The following PCDH7 variants were observed in gnomAD, a reference collection of about 807,000 sequenced individuals.
The protein encoded by PCDH7 is protocadherin 7.
A neutral mutation model predicts 58.9 loss-of-function variants in PCDH7; 17 were observed. The observed-to-expected ratio is 0.29, with a 90% CI of 0.20 to 0.43. PCDH7 has a LOEUF of 0.43. Ranked by LOEUF, PCDH7 falls within the 20% of genes least tolerant of loss-of-function variation. PCDH7 has a pLI of 1.00. For missense variants in PCDH7, 1,274 were observed against 1,441.0 expected (o/e 0.88, Z 1.88); for synonymous variants, 664 against 616.4 (o/e 1.08, Z -1.14).
chr4:30,962,340 C>T (rs750248776), intron 3 of PCDH7, among the ~76,000 whole-genome samples: 3 of 152,194 alleles, frequency 2.0e-5, no homozygotes, highest in Non-Finnish European at 4.4e-5. Flanking sequence ...CAAGATGTAT[C>T]AGCTAGACTT....
chr4:31,101,367 GAA>G (rs1714871403), intron 3 of PCDH7, among the ~76,000 whole-genome samples: 1 of 152,042 alleles, frequency 6.6e-6, no homozygotes, highest in African/African-American at 2.4e-5. Context: ...TTTTTTCAGT[GAA>G]CTTGTAGGCA....
intron 3 of PCDH7, among the ~76,000 whole-genome samples, chr4:31,132,301 G>C (rs980251491): frequency 6.6e-6 from 1 of 151,640 alleles, no homozygotes; most frequent in Non-Finnish European, 1.5e-5. Context: ...CTTTTTATTT[G>C]TGTAAAAGTA....
At chr4:30,881,175 C>A (rs1195365348) in intron 1 of PCDH7, among the ~76,000 whole-genome samples, 1 of 151,908 alleles carries the variant, frequency 6.6e-6, no homozygotes, top group African/African-American at 2.4e-5. Flanking sequence ...ATCCTGTTAC[C>A]AACCCTGGAG....
chr4:31,111,602 A>G (rs1246093607), intron 3 of PCDH7, among the ~76,000 whole-genome samples: 1 of 152,136 alleles, frequency 6.6e-6, no homozygotes, highest in Non-Finnish European at 1.5e-5. Flanking sequence ...AATCTCCATC[A>G]TGATAAAACA....
intron 1 of PCDH7, among the ~76,000 whole-genome samples, chr4:30,879,741 A>G (rs1736728024): frequency 6.6e-6 from 1 of 152,158 alleles, no homozygotes. Flanking sequence ...TACTGACATC[A>G]TACTGAAGCT....
intron 1 of PCDH7, among the ~76,000 whole-genome samples, chr4:30,869,756 G>A (rs1052579895): frequency 6.6e-6 from 1 of 152,120 alleles, no homozygotes; most frequent in Non-Finnish European, 1.5e-5. Flanking sequence ...GTGTCCACGT[G>A]TCTTTATAGT....
chr4:30,884,230 G>A (rs1037492668), intron 1 of PCDH7, among the ~76,000 whole-genome samples: 1 of 152,090 alleles, frequency 6.6e-6, no homozygotes, highest in Non-Finnish European at 1.5e-5. Flanking sequence ...GCATCTATGT[G>A]TGGTAGGCAT....
intron 3 of PCDH7, among the ~76,000 whole-genome samples, chr4:31,044,054 A>G (rs896317143): frequency 1.3e-5 from 2 of 152,170 alleles, no homozygotes; most frequent in African/African-American, 2.4e-5. Flanking sequence ...ACTTATGCCT[A>G]AAAGTGGCAA....
intron 3 of PCDH7, among the ~76,000 whole-genome samples, chr4:30,953,280 T>C (rs1440833824): frequency 6.6e-6 from 1 of 152,186 alleles, no homozygotes; most frequent in Non-Finnish European, 1.5e-5. Flanking sequence ...AATTTCTATT[T>C]TTTTTAAATG....
At chr4:31,136,238 A>C (rs541530712) in intron 3 of PCDH7, among the ~76,000 whole-genome samples, 103 of 152,310 alleles carry the variant, frequency 6.8e-4, no homozygotes, top group African/African-American at 1.9e-3. Flanking sequence ...GAACACCTAC[A>C]CGGCAGCCAG....
At chr4:30,851,401 A>G (rs939745926) in intron 1 of PCDH7, among the ~76,000 whole-genome samples, 9 of 151,962 alleles carry the variant, frequency 5.9e-5, no homozygotes, top group Admixed American at 2.6e-4. Context: ...CCAAATCTAT[A>G]TTTTTCATAA....
At chr4:30,964,646 G>A (rs1234553944) in intron 3 of PCDH7, among the ~76,000 whole-genome samples, 15 of 147,994 alleles carry the variant, frequency 1.0e-4, no homozygotes, top group African/African-American at 3.8e-4. Flanking sequence ...CCTGAGGGCA[G>A]AAATAGTAGC....
At chr4:30,914,668 CATAACT>C (rs1742191187) in intron 1 of PCDH7, among the ~76,000 whole-genome samples, 1 of 152,076 alleles carries the variant, frequency 6.6e-6, no homozygotes, top group Non-Finnish European at 1.5e-5. Flanking sequence ...AACAATGGGC[CATAACT>C]CTAGTTATAT....
chr4:31,096,059 T>G (rs1238152174), intron 3 of PCDH7, among the ~76,000 whole-genome samples: 1 of 152,150 alleles, frequency 6.6e-6, no homozygotes, highest in Non-Finnish European at 1.5e-5. Context: ...AATAAGTGCT[T>G]AAGTGTTACA....
chr4:30,883,014 C>T (rs896316293), intron 1 of PCDH7, among the ~76,000 whole-genome samples: 2 of 152,252 alleles, frequency 1.3e-5, no homozygotes, highest in East Asian at 3.9e-4. Flanking sequence ...CATATTTTGC[C>T]TTCTTCTCTG....
chr4:31,088,382 T>C (rs1712755697), intron 3 of PCDH7, among the ~76,000 whole-genome samples: 1 of 152,066 alleles, frequency 6.6e-6, no homozygotes, highest in Non-Finnish European at 1.5e-5. Flanking sequence ...AAGAGCAGCA[T>C]AGTTATTTGG....
chr4:30,903,118 A>C (rs1740446912), intron 1 of PCDH7, among the ~76,000 whole-genome samples: 1 of 152,150 alleles, frequency 6.6e-6, no homozygotes, highest in Non-Finnish European at 1.5e-5. Flanking sequence ...CAGGTTGTGA[A>C]TATTCTCATT....
intron 1 of PCDH7, among the ~76,000 whole-genome samples, chr4:30,911,722 T>A (rs1201857170): frequency 6.6e-6 from 1 of 152,154 alleles, no homozygotes; most frequent in Non-Finnish European, 1.5e-5. Context: ...TGACTTGCAC[T>A]TTTAGGCTAG....
chr4:30,740,239 A>G (rs1716885073), intron 1 of PCDH7, among the ~76,000 whole-genome samples: 1 of 152,166 alleles, frequency 6.6e-6, no homozygotes, highest in Non-Finnish European at 1.5e-5. Context: ...TGAGAATGGA[A>G]TTGGATTCCC....
Sources: allele counts gnomAD v4.1 joint callset (sites outside exome capture counted in the v4.1 genomes callset), GRCh38; gene constraint gnomAD v4.1.1; transcripts MANE v1.5; gene names NCBI Gene and HGNC (gene_info 2026-07-23, HGNC 2026-07-21).